Variants in EPHA6 observed in about 807,000 individuals in gnomAD.
The protein encoded by EPHA6 is EPH receptor A6.
EPHA6 carries 50 observed loss-of-function variants against 112.0 expected under a neutral mutation model. That is an observed-to-expected ratio of 0.45 (90% CI 0.36 to 0.56). The LOEUF is 0.56. EPHA6 is among the 20% of genes least tolerant of loss of function. The pLI is 0.00. For missense variants in EPHA6, 1,280 were observed against 1,417.4 expected (o/e 0.90, Z 1.56); for synonymous variants, 529 against 490.7 (o/e 1.08, Z -1.03).
At chr3:96,828,771 C>G (rs1576074136) in intron 1 of EPHA6, among the ~76,000 whole-genome samples, 1 of 152,146 alleles carries the variant, frequency 6.6e-6, no homozygotes, top group East Asian at 1.9e-4. Context: ...CTTCCTAATA[C>G]GTTTTGGTGG....
chr3:97,088,105 G>A (rs997771699), intron 3 of EPHA6, among the ~76,000 whole-genome samples: 7 of 152,008 alleles, frequency 4.6e-5, no homozygotes, highest in South Asian at 4.2e-4. Context: ...TGCTTGAACC[G>A]GGGAGGCAGA....
At chr3:97,334,032 A>G (rs913811729) in intron 5 of EPHA6, among the ~76,000 whole-genome samples, 1 of 152,038 alleles carries the variant, frequency 6.6e-6, no homozygotes, top group Non-Finnish European at 1.5e-5. Context: ...GAATTTGTCA[A>G]ATATTTTTTC....
At chr3:97,276,995 G>C (rs1407740771) in intron 5 of EPHA6, among the ~76,000 whole-genome samples, 11 of 152,140 alleles carry the variant, frequency 7.2e-5, no homozygotes, top group Non-Finnish European at 1.5e-5. Context: ...GAGGAGCAGA[G>C]GCTGAGGAAG....
At chr3:96,964,717 G>A (rs996865561) in intron 2 of EPHA6, among the ~76,000 whole-genome samples, 8 of 152,076 alleles carry the variant, frequency 5.3e-5, no homozygotes, top group South Asian at 4.2e-4. Flanking sequence ...GTACTTATCC[G>A]TTTCCAGTTA....
chr3:97,511,733 A>G lies in EPHA6; in HGVS notation c.2201-20625A>G, dbSNP rs186884575. Among the ~76,000 whole-genome samples the G allele has an allele frequency of 3.5e-3, 535 of 152,348 alleles. 5 individuals carry two copies. Among genetic ancestry groups the G allele is most frequent in the Non-Finnish European group, 3.5e-3 (239 of 68,032 alleles). ...ATTTGTTAAAATTTTAATCAGTTAT[A>G]GTAATGAACAATAAGCACTTTCATT... On this transcript the variant is annotated intron_variant, in intron 10 of 17. Transcript: ENST00000389672.
chr3:96,977,809 GT>G (rs2042593424), intron 2 of EPHA6, among the ~76,000 whole-genome samples: 1 of 152,074 alleles, frequency 6.6e-6, no homozygotes, highest in African/African-American at 2.4e-5. Flanking sequence ...TAGTTTCTAT[GT>G]TATATATTAC....
intron 2 of EPHA6, among the ~76,000 whole-genome samples, chr3:96,897,977 A>G (rs2038375021): frequency 6.6e-6 from 1 of 152,212 alleles, no homozygotes; most frequent in African/African-American, 2.4e-5. Context: ...AAAATATTTT[A>G]TCCCTCATTG....
chr3:97,160,166 A>G (rs939426098), intron 3 of EPHA6, among the ~76,000 whole-genome samples: 3 of 152,220 alleles, frequency 2.0e-5, no homozygotes, highest in Admixed American at 2.0e-4. Flanking sequence ...GGTGGCCGGG[A>G]AAAAAGTCTG....
At chr3:97,255,984 A>G (rs560635462) in intron 5 of EPHA6, among the ~76,000 whole-genome samples, 2 of 152,252 alleles carry the variant, frequency 1.3e-5, no homozygotes, top group Admixed American at 1.3e-4. Flanking sequence ...AGAAGAATAC[A>G]TAATGATGGA....
intron 5 of EPHA6, among the ~76,000 whole-genome samples, chr3:97,328,079 A>ATATATATATAT (rs398038939): frequency 3.2e-4 from 44 of 138,594 alleles, no homozygotes; most frequent in African/African-American, 1.0e-3. Flanking sequence ...ATATATATAT[A>ATATATATATAT]ACCTGTTTTG....
chr3:97,356,927 A>G (rs1577076530), intron 5 of EPHA6, among the ~76,000 whole-genome samples: 1 of 152,034 alleles, frequency 6.6e-6, no homozygotes, highest in African/African-American at 2.4e-5. Context: ...CTTCAATTCT[A>G]TCAGTTTTTG....
chr3:97,745,523 T>C, intron 16 of EPHA6: 1 of 334,206 alleles, frequency 3.0e-6, no homozygotes, highest in Non-Finnish European at 5.8e-6. Flanking sequence ...ACTGTATGGA[T>C]AACCAGACCC....
chr3:97,339,612 G>T (rs916080337), intron 5 of EPHA6, among the ~76,000 whole-genome samples: 1 of 152,054 alleles, frequency 6.6e-6, no homozygotes, highest in South Asian at 2.1e-4. Context: ...CTGTGAAAAA[G>T]GGATGCCAAT....
rs377667480 is a variant in EPHA6, at chr3:96,943,310, T to C, written c.451-44020T>C. Among the ~76,000 whole-genome samples, 11 of 152,296 alleles carry C rather than the reference T, an allele frequency of 7.2e-5. No homozygotes were observed. The East Asian group carries it at 1.2e-3, about 16-fold the overall frequency. On this transcript the variant is annotated intron_variant, in intron 2 of 17. Coordinates refer to ENST00000389672, the MANE Select transcript of EPHA6 (RefSeq NM_001080448.3). ...GTTCTCACCAAAAAGAAATGATAAA[T>C]TTTTGAAGTAATGTATATGCTAAAT...
intron 6 of EPHA6, among the ~76,000 whole-genome samples, chr3:97,444,336 T>G (rs987425990): frequency 6.6e-6 from 1 of 152,102 alleles, no homozygotes; most frequent in African/African-American, 2.4e-5. Context: ...TGCTGGCCTA[T>G]TGAATCTATT....
At chr3:97,423,137 C>T (rs1405216811) in intron 6 of EPHA6, among the ~76,000 whole-genome samples, 1 of 152,076 alleles carries the variant, frequency 6.6e-6, no homozygotes, top group African/African-American at 2.4e-5. Context: ...CAAAATACTA[C>T]TGGAAGTAGC....
intron 6 of EPHA6, among the ~76,000 whole-genome samples, chr3:97,445,463 C>A (rs1053100184): frequency 6.6e-6 from 1 of 152,096 alleles, no homozygotes; most frequent in Non-Finnish European, 1.5e-5. Context: ...TTTTTTAAAT[C>A]ATACTTTTAG....
chr3:96,862,353 A>G (rs1487541385), intron 1 of EPHA6, among the ~76,000 whole-genome samples: 1 of 151,876 alleles, frequency 6.6e-6, no homozygotes, highest in Non-Finnish European at 1.5e-5. Flanking sequence ...AGTAACTCAG[A>G]ACCTTAAGCT....
At chr3:97,677,460 C>A (rs1237359960) in intron 14 of EPHA6, among the ~76,000 whole-genome samples, 5 of 152,096 alleles carry the variant, frequency 3.3e-5, no homozygotes, top group Admixed American at 2.6e-4. Flanking sequence ...GTGGCTCAAG[C>A]CTGCAATCCT....
Sources: gnomAD v4.1 joint callset for allele counts (sites outside exome capture counted in the v4.1 genomes callset) on GRCh38, gnomAD v4.1.1 for gene constraint, MANE v1.5 for transcripts, NCBI Gene and HGNC (gene_info 2026-07-23, HGNC 2026-07-21) for gene names.